Variants in LYN observed in about 807,000 individuals in gnomAD.
LYN encodes LYN proto-oncogene, Src family tyrosine kinase.
LYN carries 12 observed loss-of-function variants against 65.0 expected under a neutral mutation model. That is an observed-to-expected ratio of 0.18 (90% CI 0.12 to 0.30). The LOEUF is 0.30. LYN is among the 10% of genes least tolerant of loss of function. The pLI is 1.00. For missense variants in LYN, 380 were observed against 623.2 expected, an observed-to-expected ratio of 0.61 and a Z score of 4.16; for synonymous variants, 222 against 221.2, an observed-to-expected ratio of 1.00 and a Z score of -0.03.
intron 1 of LYN, among the ~76,000 whole-genome samples, chr8:55,922,443 A>C (rs1236432485): frequency 6.6e-6 from 1 of 151,896 alleles, no homozygotes; most frequent in Non-Finnish European, 1.5e-5. Flanking sequence ...TAATTTATCT[A>C]ATCAGGTAAA....
chr8:55,995,320 A>G (rs1274077587), intron 10 of LYN, among the ~76,000 whole-genome samples: 1 of 152,140 alleles, frequency 6.6e-6, no homozygotes, highest in Non-Finnish European at 1.5e-5. Context: ...GGGTCAGGTA[A>G]AAGCTGTGCA....
intron 10 of LYN, among the ~76,000 whole-genome samples, chr8:55,981,968 A>C (rs1020344744): frequency 6.6e-6 from 1 of 152,158 alleles, no homozygotes; most frequent in Non-Finnish European, 1.5e-5. Flanking sequence ...GGAGGGAAAA[A>C]ACCCCACAAC....
At chr8:55,933,328 T>C (rs1412903829) in intron 1 of LYN, among the ~76,000 whole-genome samples, 1 of 152,240 alleles carries the variant, frequency 6.6e-6, no homozygotes, top group African/African-American at 2.4e-5. Context: ...ATGTGAATTT[T>C]GAGAGCTGAT....
chr8:56,008,124 A>AAAAATAAAAT (rs1000414913), intron 12 of LYN, among the ~76,000 whole-genome samples: 1,923 of 86,658 alleles, frequency 0.022, 41 homozygotes, highest in African/African-American at 0.064. Context: ...GCCTCAAAAA[A>AAAAATAAAAT]AAAATAAAAT....
At chr8:55,997,679 C>T (rs1475956127) in intron 10 of LYN, among the ~76,000 whole-genome samples, 1 of 152,210 alleles carries the variant, frequency 6.6e-6, no homozygotes, top group Non-Finnish European at 1.5e-5. Flanking sequence ...GGGACACAAA[C>T]ATTCAGACCA....
At chr8:55,935,354 A>G (rs1806398419) in intron 1 of LYN, among the ~76,000 whole-genome samples, 3 of 152,156 alleles carry the variant, frequency 2.0e-5, no homozygotes, top group South Asian at 4.1e-4. Flanking sequence ...GGCTGCTGGG[A>G]GATTTTATTG....
At chr8:56,003,119 G>T (rs1213506523) in intron 12 of LYN, among the ~76,000 whole-genome samples, 1 of 151,346 alleles carries the variant, frequency 6.6e-6, no homozygotes, top group Non-Finnish European at 1.5e-5. Context: ...GAGTGCAGTG[G>T]CGTGATCTCG....
chr8:55,942,947 A>G (rs188932822), intron 2 of LYN, among the ~76,000 whole-genome samples: 1 of 152,348 alleles, frequency 6.6e-6, no homozygotes, highest in African/African-American at 2.4e-5. Flanking sequence ...AAAATAGTAC[A>G]GATCCTGAAG....
chr8:55,915,280 T>C (rs1348229885), intron 1 of LYN, among the ~76,000 whole-genome samples: 1 of 152,234 alleles, frequency 6.6e-6, no homozygotes, highest in Admixed American at 6.5e-5. Context: ...CAATTCCAGA[T>C]ACCATTAAGC....
intron 12 of LYN, among the ~76,000 whole-genome samples, chr8:56,005,344 C>T (rs1420848796): frequency 6.6e-6 from 1 of 152,212 alleles, no homozygotes. Flanking sequence ...CCACACTTTC[C>T]CCACCTCCAC....
intron 1 of LYN, among the ~76,000 whole-genome samples, chr8:55,915,058 C>CCA (rs1459925167): frequency 6.6e-6 from 1 of 152,176 alleles, no homozygotes; most frequent in African/African-American, 2.4e-5. Flanking sequence ...ATAATACTTA[C>CCA]TGTATTAACC....
At chr8:55,971,427 A>G (rs754927668) in intron 10 of LYN, among the ~76,000 whole-genome samples, 64 of 152,378 alleles carry the variant, frequency 4.2e-4, no homozygotes, top group Non-Finnish European at 6.9e-4. Context: ...ACACGGATCA[A>G]TGAGGCCCTC....
intron 1 of LYN, among the ~76,000 whole-genome samples, chr8:55,939,077 C>G (rs1483011022): frequency 6.6e-6 from 1 of 152,174 alleles, no homozygotes; most frequent in Non-Finnish European, 1.5e-5. Flanking sequence ...CAGTTTTTGT[C>G]AGGAGTATAT....
At chr8:55,983,930 A>C (rs1224505971) in intron 10 of LYN, among the ~76,000 whole-genome samples, 2 of 152,174 alleles carry the variant, frequency 1.3e-5, no homozygotes, top group Admixed American at 6.5e-5. Flanking sequence ...TGGAGGCCAG[A>C]AGTCTGGAAT....
intron 1 of LYN, among the ~76,000 whole-genome samples, chr8:55,919,941 A>AC (rs1459913279): frequency 6.6e-6 from 1 of 151,638 alleles, no homozygotes; most frequent in Non-Finnish European, 1.5e-5. Context: ...TTGTCACGTG[A>AC]CCCCACTCTT....
chr8:55,896,435 A>G (rs1248066410), intron 1 of LYN, among the ~76,000 whole-genome samples: 1 of 152,088 alleles, frequency 6.6e-6, no homozygotes, highest in Admixed American at 6.6e-5. Flanking sequence ...GTTCTTACTC[A>G]TAAGTGGGAG....
intron 1 of LYN, among the ~76,000 whole-genome samples, chr8:55,917,350 T>C (rs1805808286): frequency 6.6e-6 from 1 of 152,092 alleles, no homozygotes; most frequent in South Asian, 2.1e-4. Context: ...CACACCCAGC[T>C]AATTTTAGTT....
rs186629445 is a variant in LYN at position 56,007,900 on chromosome 8, C to A, written c.1337-2008C>A. On this transcript the variant is annotated intron_variant, in intron 12 of 12. Transcript: ENST00000519728. The stretch of plus-strand genomic sequence containing the variant: ...TTGGGAGGCCGAGACAGGCAGACGA[C>A]TTCAGGTCAGGAGTTTGAGACCAGC... 2.6e-3 allele frequency among the ~76,000 whole-genome samples: 399 copies of A among 152,234 alleles called. 1 individual carries two copies. Among genetic ancestry groups the A allele is most frequent in the Non-Finnish European group, 4.6e-3 (316 of 68,010 alleles).
intron 8 of LYN, among the ~76,000 whole-genome samples, chr8:55,958,978 G>A (rs1225804962): frequency 1.3e-5 from 2 of 152,200 alleles, no homozygotes; most frequent in Non-Finnish European, 2.9e-5. Context: ...AAATCCAGAA[G>A]TGGAATGGCT....
Sources: allele counts gnomAD v4.1 joint callset (sites outside exome capture counted in the v4.1 genomes callset), GRCh38; gene constraint gnomAD v4.1.1; transcripts MANE v1.5; gene names NCBI Gene and HGNC (gene_info 2026-07-23, HGNC 2026-07-21).